TMTC2: variants seen among roughly 807,000 people sequenced by gnomAD.
The protein encoded by TMTC2 is protein O-mannosyl-transferase TMTC2.
Under a neutral mutation model 82.4 loss-of-function variants are expected in TMTC2, and 43 were observed. The observed-to-expected ratio is 0.52, with a 90% CI of 0.41 to 0.67. TMTC2 has a LOEUF of 0.67. Ranked by LOEUF, TMTC2 falls within the 30% of genes least tolerant of loss-of-function variation. TMTC2 has a pLI of 0.00. For synonymous variants in TMTC2, 408 were observed against 381.9 expected, an observed-to-expected ratio of 1.07 and a Z score of -0.80; for missense variants, 919 against 1,012.4, an observed-to-expected ratio of 0.91 and a Z score of 1.25.
chr12:83,115,764 T>C (rs1884734882), intron 11 of TMTC2, among the ~76,000 whole-genome samples: 1 of 152,074 alleles, frequency 6.6e-6, no homozygotes, highest in Admixed American at 6.6e-5. Context: ...CAGTATACAC[T>C]GTACCCTATT....
intron 11 of TMTC2, among the ~76,000 whole-genome samples, chr12:83,098,680 C>CT (rs1446641003): frequency 6.6e-6 from 1 of 152,196 alleles, no homozygotes; most frequent in Non-Finnish European, 1.5e-5. Context: ...TGTAGATGAG[C>CT]TCTTAAGCAA....
chr12:82,948,224 G>A (rs1375580113), intron 4 of TMTC2, among the ~76,000 whole-genome samples: 1 of 152,088 alleles, frequency 6.6e-6, no homozygotes, highest in Non-Finnish European at 1.5e-5. Flanking sequence ...AAATAGCCAG[G>A]CCTGGTGGCA....
intron 8 of TMTC2, among the ~76,000 whole-genome samples, chr12:83,014,664 A>G (rs1428623741): frequency 1.3e-5 from 2 of 152,166 alleles, no homozygotes; most frequent in East Asian, 1.9e-4. Flanking sequence ...TAAAATAACC[A>G]TGTACATCTA....
intron 11 of TMTC2, among the ~76,000 whole-genome samples, chr12:83,079,931 G>GA (rs980721099): frequency 7.2e-5 from 11 of 152,226 alleles, no homozygotes; most frequent in Non-Finnish European, 1.5e-4. Flanking sequence ...AAAATTGAGA[G>GA]AAATAGATTC....
intron 3 of TMTC2, among the ~76,000 whole-genome samples, chr12:82,927,035 C>T (rs1447635095): frequency 2.0e-5 from 3 of 152,070 alleles, no homozygotes; most frequent in Non-Finnish European, 4.4e-5. Flanking sequence ...GCCCATGGAT[C>T]GATCAAGGAA....
At chr12:82,701,405 C>T (rs949757017) in intron 1 of TMTC2, among the ~76,000 whole-genome samples, 10 of 152,026 alleles carry the variant, frequency 6.6e-5, no homozygotes, top group Non-Finnish European at 1.0e-4. Context: ...TTCATACTCT[C>T]ACCAGGACCT....
chr12:83,015,304 TG>T (rs1469049591), intron 8 of TMTC2, among the ~76,000 whole-genome samples: 1 of 152,204 alleles, frequency 6.6e-6, no homozygotes, highest in Non-Finnish European at 1.5e-5. Context: ...TAGCAGTTGT[TG>T]TGCAAGGAAT....
intron 1 of TMTC2, among the ~76,000 whole-genome samples, chr12:82,741,322 C>CT (rs1224161317): frequency 6.6e-6 from 1 of 151,990 alleles, no homozygotes; most frequent in African/African-American, 2.4e-5. Flanking sequence ...AGCTTTTTAG[C>CT]TTTTTTTAGA....
chr12:83,010,775 A>G (rs151093336), intron 8 of TMTC2, among the ~76,000 whole-genome samples: 1 of 152,244 alleles, frequency 6.6e-6, no homozygotes, highest in East Asian at 1.9e-4. Context: ...TTATTTTCCC[A>G]TCGCACAAGG....
intron 1 of TMTC2, among the ~76,000 whole-genome samples, chr12:82,836,438 G>A (rs1303428008): frequency 1.3e-5 from 2 of 152,158 alleles, no homozygotes; most frequent in Non-Finnish European, 2.9e-5. Context: ...AGGAGGAGAT[G>A]GGACAAGGGA....
chr12:83,018,534 A>G (rs1394854170), intron 8 of TMTC2, among the ~76,000 whole-genome samples: 2 of 152,226 alleles, frequency 1.3e-5, no homozygotes, highest in Non-Finnish European at 2.9e-5. Flanking sequence ...TTCTAATTGC[A>G]CTAATTCCCT....
chr12:82,820,040 C>T (rs1050340610), intron 1 of TMTC2, among the ~76,000 whole-genome samples: 20 of 152,196 alleles, frequency 1.3e-4, no homozygotes, highest in Admixed American at 3.9e-4. Context: ...TCCAAGAGTC[C>T]CAAAGCTGAA....
intron 11 of TMTC2, among the ~76,000 whole-genome samples, chr12:83,119,959 C>T (rs1047650551): frequency 6.6e-6 from 1 of 152,172 alleles, no homozygotes; most frequent in Non-Finnish European, 1.5e-5. Flanking sequence ...AATAGCCCCT[C>T]CTGCTCACTT....
chr12:82,759,034 A>C (rs1449953979), intron 1 of TMTC2: 1 of 152,208 alleles, frequency 6.6e-6, no homozygotes, highest in African/African-American at 2.4e-5. Context: ...TTGGTTAAAA[A>C]AAAAGAGATG....
chr12:83,040,679 C>CTTTTTTTTT (rs750327519), intron 9 of TMTC2, among the ~76,000 whole-genome samples: 8 of 124,204 alleles, frequency 6.4e-5, no homozygotes, highest in African/African-American at 9.1e-5. Flanking sequence ...CTGTCCTTTT[C>CTTTTTTTTT]TTTTTTTTTT....
intron 4 of TMTC2, among the ~76,000 whole-genome samples, chr12:82,938,847 T>C (rs757239146): frequency 1.3e-5 from 2 of 152,186 alleles, no homozygotes; most frequent in African/African-American, 4.8e-5. Context: ...GTCCCTATTA[T>C]TGCATTCCTC....
rs1433129469 is a variant in TMTC2, at chr12:82,930,413, T to G, written c.1484-18T>G. ...TGGATTGATGCTCAGTCTGAAAATT[T>G]CTTTTTCTTCTTGGCAGCATGGGGT... On this transcript the variant is annotated intron_variant, in intron 3 of 11. Coordinates refer to ENST00000321196, the MANE Select transcript of TMTC2 (RefSeq NM_152588.3). 3 of 1,511,968 alleles carry G rather than the reference T, an allele frequency of 2.0e-6. No homozygotes were observed. Among genetic ancestry groups the G allele is most frequent in the Non-Finnish European group, 2.7e-6 (3 of 1,101,596 alleles). The allele number at this position is 1,511,968 out of a possible 1,614,324, so 93.7% of individuals were successfully genotyped here.
chr12:83,007,085 AAAGTAT>A (rs1460382615), intron 8 of TMTC2, among the ~76,000 whole-genome samples: 6 of 152,118 alleles, frequency 3.9e-5, no homozygotes, highest in African/African-American at 1.4e-4. Flanking sequence ...CCTAGAACTT[AAAGTAT>A]AATAGAAAAA....
intron 11 of TMTC2, among the ~76,000 whole-genome samples, chr12:83,119,069 C>CGA (rs1884862228): frequency 6.6e-6 from 1 of 152,072 alleles, no homozygotes; most frequent in Non-Finnish European, 1.5e-5. Context: ...TGCTAATGGT[C>CGA]TATCGATTTT....
Sources: gnomAD v4.1 joint callset for allele counts (sites outside exome capture counted in the v4.1 genomes callset) on GRCh38, gnomAD v4.1.1 for gene constraint, MANE v1.5 for transcripts, NCBI Gene and HGNC (gene_info 2026-07-23, HGNC 2026-07-21) for gene names.